C8orf34: variants seen among roughly 807,000 people sequenced by gnomAD.
C8orf34 encodes the protein chromosome 8 open reading frame 34.
C8orf34 carries 65 observed loss-of-function variants against 68.3 expected under a neutral mutation model. The ratio of observed to expected loss-of-function variants is 0.95; its 90% confidence interval spans 0.78 to 1.17. C8orf34 has a LOEUF of 1.17. C8orf34 is among the 50% of genes most tolerant of loss of function. The pLI is 0.00. For synonymous variants in C8orf34, 244 were observed against 241.2 expected (o/e 1.01, Z -0.11); for missense variants, 664 against 655.4 (o/e 1.01, Z -0.14).
chr8:68,491,546 C>T (rs1196141291), intron 5 of C8orf34, among the ~76,000 whole-genome samples: 2 of 152,114 alleles, frequency 1.3e-5, no homozygotes, highest in Non-Finnish European at 2.9e-5. Context: ...CCCTTTAAAA[C>T]CAGCAACATC....
chr8:68,525,956 C>CTT (rs10692707), intron 6 of C8orf34: 52,344 of 176,804 alleles, frequency 0.3, 8,148 homozygotes, highest in Non-Finnish European at 0.32. Flanking sequence ...TTCTTTCTTT[C>CTT]TTTTTTTTTT....
intron 9 of C8orf34, among the ~76,000 whole-genome samples, chr8:68,714,810 T>A (rs1000206643): frequency 3.9e-5 from 6 of 152,138 alleles, no homozygotes; most frequent in African/African-American, 1.4e-4. Context: ...AGAGACTGCA[T>A]AGCTAAAGCT....
intron 7 of C8orf34, among the ~76,000 whole-genome samples, chr8:68,579,212 G>A (rs1005532494): frequency 1.3e-5 from 2 of 151,942 alleles, no homozygotes; most frequent in Admixed American, 6.6e-5. Context: ...TGACATAAGT[G>A]AGAGAAGTCG....
intron 7 of C8orf34, among the ~76,000 whole-genome samples, chr8:68,634,669 C>G (rs970786115): frequency 1.3e-5 from 2 of 152,112 alleles, no homozygotes; most frequent in Non-Finnish European, 2.9e-5. Flanking sequence ...GTATATTTAG[C>G]ATAGATTATT....
At chr8:68,351,764 T>C (rs1806521783) in intron 1 of C8orf34, among the ~76,000 whole-genome samples, 1 of 152,090 alleles carries the variant, frequency 6.6e-6, no homozygotes, top group Admixed American at 6.6e-5. Flanking sequence ...TTTAATTTTG[T>C]AAGAAACTGC....
At chr8:68,430,646 C>T (rs1392303804) in intron 1 of C8orf34, among the ~76,000 whole-genome samples, 1 of 152,014 alleles carries the variant, frequency 6.6e-6, no homozygotes, top group African/African-American at 2.4e-5. Flanking sequence ...AAGCAAAAAA[C>T]GTGACCACCG....
intron 10 of C8orf34, among the ~76,000 whole-genome samples, chr8:68,769,046 A>C (rs1261499116): frequency 6.6e-6 from 1 of 152,108 alleles, no homozygotes; most frequent in African/African-American, 2.4e-5. Flanking sequence ...TAAAAAATAC[A>C]ATCAATTTGC....
chr8:68,768,370 A>G (rs558991957), intron 10 of C8orf34, among the ~76,000 whole-genome samples: 155 of 152,308 alleles, frequency 1.0e-3, no homozygotes, highest in African/African-American at 3.7e-3. Context: ...GTGATATTTC[A>G]AGACAAGTCT....
At chr8:68,554,740 T>C (rs1816199215) in intron 7 of C8orf34, among the ~76,000 whole-genome samples, 1 of 152,140 alleles carries the variant, frequency 6.6e-6, no homozygotes, top group Admixed American at 6.5e-5. Flanking sequence ...CTCAAAGACA[T>C]TTAATGACTT....
intron 8 of C8orf34, among the ~76,000 whole-genome samples, chr8:68,649,325 A>C (rs1235368481): frequency 6.6e-6 from 1 of 152,246 alleles, no homozygotes; most frequent in Admixed American, 6.5e-5. Context: ...CTAGAAATAC[A>C]AATGAATACC....
rs529064625 is a variant in C8orf34 at position 68,422,723 on chromosome 8, T to C, written c.328-16776T>C. Among the ~76,000 whole-genome samples the C allele has an allele frequency of 3.3e-5, 5 of 152,298 alleles. No homozygotes were observed. In the South Asian group the frequency reaches 1.0e-3, roughly 32 times the overall value. ...GGAGGCTCCGACCCCACATTTCCCT[T>C]CCACACTGCCCTAGCAGAGGTTCTC... On this transcript the variant is annotated intron_variant, in intron 1 of 13. Coordinates refer to ENST00000518698, the MANE Select transcript of C8orf34 (RefSeq NM_052958.4).
At chr8:68,553,180 T>C (rs1474997012) in intron 7 of C8orf34, among the ~76,000 whole-genome samples, 1 of 151,766 alleles carries the variant, frequency 6.6e-6, no homozygotes, top group Non-Finnish European at 1.5e-5. Context: ...GGTCAGGAGA[T>C]CGAGACCGTC....
intron 11 of C8orf34, among the ~76,000 whole-genome samples, chr8:68,781,509 T>C (rs898945442): frequency 1.3e-5 from 2 of 152,210 alleles, no homozygotes; most frequent in East Asian, 3.8e-4. Context: ...TACACTCAGA[T>C]ACAGTTTAAT....
At position 68,394,401 on chromosome 8, in the gene C8orf34, C is replaced by T. The variant is rs564287676; in HGVS notation, c.328-45098C>T. 2.2e-3 allele frequency among the ~76,000 whole-genome samples: 338 copies of T among 151,912 alleles called. 1 individual carries two copies. The highest frequency in any genetic ancestry group is 4.0e-3 in the Non-Finnish European group (271 of 67,944). On this transcript the variant is annotated intron_variant, in intron 1 of 13. Transcript: ENST00000518698. Reference sequence around the variant, plus strand: ...ATGATTTCCAATTTCATCCATGTCCCTACAAAGGACATGAACTCATCATTT... The same window carrying T: ...ATGATTTCCAATTTCATCCATGTCCTTACAAAGGACATGAACTCATCATTT...
intron 1 of C8orf34, among the ~76,000 whole-genome samples, chr8:68,348,140 A>G (rs933800199): frequency 1.1e-4 from 16 of 152,072 alleles, no homozygotes; most frequent in Admixed American, 8.5e-4. Flanking sequence ...ATTTTTGTGT[A>G]TGATGTAAGG....
At chr8:68,696,072 TAGGGGATCACCTGATCCCA>T (rs1307558364) in intron 8 of C8orf34, among the ~76,000 whole-genome samples, 2 of 151,808 alleles carry the variant, frequency 1.3e-5, no homozygotes, top group East Asian at 3.9e-4. Context: ...AGGCTGAGGT[TAGGGGATCACCTGATCCCA>T]AGAGGTCAGG....
chr8:68,382,876 C>A (rs907623224), intron 1 of C8orf34, among the ~76,000 whole-genome samples: 2 of 152,068 alleles, frequency 1.3e-5, no homozygotes, highest in Non-Finnish European at 1.5e-5. Context: ...ATATTTATAT[C>A]ATATCTTCTG....
chr8:68,762,695 A>T (rs2129528070), intron 10 of C8orf34, among the ~76,000 whole-genome samples: 1 of 152,308 alleles, frequency 6.6e-6, no homozygotes, highest in South Asian at 2.1e-4. Context: ...AGATGGGCAT[A>T]CCTTCGTAAG....
At chr8:68,645,396 C>T (rs903453142) in intron 8 of C8orf34, among the ~76,000 whole-genome samples, 3 of 152,134 alleles carry the variant, frequency 2.0e-5, no homozygotes, top group Non-Finnish European at 4.4e-5. Context: ...GAGAAACTCA[C>T]ATTAAAATGC....
Sources: allele counts gnomAD v4.1 joint callset (sites outside exome capture counted in the v4.1 genomes callset), GRCh38; gene constraint gnomAD v4.1.1; transcripts MANE v1.5; gene names NCBI Gene and HGNC (gene_info 2026-07-23, HGNC 2026-07-21).